The following EML4 variants were observed in gnomAD, a reference collection of about 807,000 sequenced individuals.
EML4 encodes the protein echinoderm microtubule-associated protein-like 4.
EML4 carries 72 observed loss-of-function variants against 129.0 expected under a neutral mutation model. That is an observed-to-expected ratio of 0.56 (90% CI 0.46 to 0.68). EML4 has a LOEUF of 0.68. EML4 is among the 30% of genes least tolerant of loss of function. EML4 has a pLI of 0.00. For missense variants in EML4, 1,363 were observed against 1,190.6 expected, an observed-to-expected ratio of 1.14 and a Z score of -2.13; for synonymous variants, 532 against 405.0, an observed-to-expected ratio of 1.31 and a Z score of -3.77.
rs571703319 is a variant in EML4 at position 42,219,958 on chromosome 2, C to T, written c.26-25547C>T. On this transcript the variant is annotated intron_variant, in intron 1 of 22. Transcript: ENST00000318522. ...AAAAAAAAGGAAAACTCTTTTTTGC[C>T]AGGAATAGCTGCTTTGAAAATTTCT... Among the ~76,000 whole-genome samples, 7 of 150,092 alleles carry T rather than the reference C, an allele frequency of 4.7e-5. No homozygotes were observed. The South Asian group carries it at 1.3e-3, about 27-fold the overall frequency.
At chr2:42,253,355 T>C (rs1259564970) in intron 2 of EML4, among the ~76,000 whole-genome samples, 1 of 152,214 alleles carries the variant, frequency 6.6e-6, no homozygotes, top group African/African-American at 2.4e-5. Flanking sequence ...TGCCTATGTT[T>C]TTGACATTTT....
intron 1 of EML4, chr2:42,169,916 C>G (rs900646187): frequency 2.7e-6 from 1 of 372,018 alleles, no homozygotes; most frequent in African/African-American, 2.1e-5. Context: ...CCTTCTCAGG[C>G]CCCCCGATAG....
At chr2:42,289,978 C>G (rs1052800385) in intron 11 of EML4, 9 of 151,414 alleles carry the variant, frequency 5.9e-5, no homozygotes, top group Non-Finnish European at 1.2e-4. Flanking sequence ...CCCCAGCTAC[C>G]CTGGAGGCTG....
At chr2:42,316,186 C>A (rs1283999235) in intron 18 of EML4, 136 bp downstream of exon 18, 4 of 499,872 alleles carry the variant, frequency 8.0e-6, no homozygotes, top group Admixed American at 3.8e-5. Flanking sequence ...TTTCCCCCAA[C>A]ATCAAATTAA....
chr2:42,178,929 A>T (rs11895590), intron 1 of EML4, among the ~76,000 whole-genome samples: 1 of 152,030 alleles, frequency 6.6e-6, no homozygotes, highest in Admixed American at 6.5e-5. Context: ...AGATTTGTTT[A>T]GACAGGAATC....
At chr2:42,196,119 T>G (rs1293150266) in intron 1 of EML4, among the ~76,000 whole-genome samples, 1 of 152,218 alleles carries the variant, frequency 6.6e-6, no homozygotes, top group Non-Finnish European at 1.5e-5. Context: ...TTTGTAAAAT[T>G]TACTAGCTTT....
intron 2 of EML4, among the ~76,000 whole-genome samples, chr2:42,250,000 G>T (rs1407403360): frequency 6.6e-6 from 1 of 152,212 alleles, no homozygotes; most frequent in Non-Finnish European, 1.5e-5. Flanking sequence ...CTGCCAAGAA[G>T]ATGAATTATG....
chr2:42,200,727 T>G (rs1272872628), intron 1 of EML4, among the ~76,000 whole-genome samples: 1 of 152,220 alleles, frequency 6.6e-6, no homozygotes, highest in Non-Finnish European at 1.5e-5. Flanking sequence ...GAGGAATGTT[T>G]TATATCTTTT....
chr2:42,261,686 G>T (rs1166296098), intron 4 of EML4, among the ~76,000 whole-genome samples: 1 of 152,020 alleles, frequency 6.6e-6, no homozygotes, highest in Non-Finnish European at 1.5e-5. Context: ...CTGTATTTTG[G>T]CATCATTACA....
At position 42,215,549 on chromosome 2, in the gene EML4, C is replaced by CA. The variant is rs879474966; in HGVS notation, c.26-29944dup. 7.9e-3 allele frequency among the ~76,000 whole-genome samples: 1,131 copies of CA among 142,768 alleles called. 15 individuals carry two copies. The highest frequency in any genetic ancestry group is 0.027 in the African/African-American group (1,051 of 39,118). The allele number at this position is 142,768 out of a possible 152,430, so 93.7% of individuals were successfully genotyped here. ...TTTATTATAAAAAATGTTTAAGAAG[C>CA]AAAAAAAAAAAATTTTGCAGTGAAT... On this transcript the variant is annotated intron_variant, in intron 1 of 22. Coordinates refer to ENST00000318522, the MANE Select transcript of EML4 (RefSeq NM_019063.5).
chr2:42,329,066 A>T (rs1203562878), intron 22 of EML4, 50 bp downstream of exon 22: 1 of 1,556,482 alleles, frequency 6.4e-7, no homozygotes, highest in Admixed American at 1.8e-5. Context: ...CTGTCCAGGG[A>T]TGATTTTGCA....
chr2:42,318,109 A>G (rs1669336566), intron 19 of EML4, among the ~76,000 whole-genome samples: 2 of 152,244 alleles, frequency 1.3e-5, no homozygotes, highest in Admixed American at 6.5e-5. Context: ...AAAATGGCTT[A>G]GGCACCAGGA....
chr2:42,196,785 G>A (rs1040216099), intron 1 of EML4, among the ~76,000 whole-genome samples: 2 of 152,180 alleles, frequency 1.3e-5, no homozygotes, highest in African/African-American at 4.8e-5. Flanking sequence ...CCATGCAGGA[G>A]TTTGTGGCTT....
intron 17 of EML4, among the ~76,000 whole-genome samples, chr2:42,305,603 G>T (rs1047463100): frequency 1.3e-5 from 2 of 152,194 alleles, no homozygotes; most frequent in Non-Finnish European, 2.9e-5. Context: ...TGCAGACCTT[G>T]TATAGTACCT....
chr2:42,269,400 T>A (rs945491531), intron 6 of EML4, among the ~76,000 whole-genome samples: 2 of 152,234 alleles, frequency 1.3e-5, no homozygotes, highest in Non-Finnish European at 1.5e-5. Flanking sequence ...CATTCATTCA[T>A]TTAACAGATA....
At chr2:42,263,986 G>A (rs1184992018) in intron 5 of EML4, among the ~76,000 whole-genome samples, 1 of 149,526 alleles carries the variant, frequency 6.7e-6, no homozygotes, top group Admixed American at 6.6e-5. Flanking sequence ...GCCTTGGCCT[G>A]CCAAAGTGCT....
chr2:42,219,238 GTC>G (rs1290731808), intron 1 of EML4, among the ~76,000 whole-genome samples: 1 of 152,142 alleles, frequency 6.6e-6, no homozygotes, highest in Non-Finnish European at 1.5e-5. Context: ...AACTGGGCAG[GTC>G]CACTGATATG....
chr2:42,216,027 C>G (rs368353670), intron 1 of EML4, among the ~76,000 whole-genome samples: 2 of 151,142 alleles, frequency 1.3e-5, no homozygotes, highest in African/African-American at 4.9e-5. Flanking sequence ...TGAAGCAATT[C>G]TGCTGTCTCA....
intron 1 of EML4, among the ~76,000 whole-genome samples, chr2:42,197,998 G>T (rs1256047212): frequency 1.3e-5 from 2 of 152,126 alleles, no homozygotes; most frequent in African/African-American, 4.8e-5. Context: ...TTGTAGCCTT[G>T]GACAAGTTAT....
Sources: allele counts gnomAD v4.1 joint callset (sites outside exome capture counted in the v4.1 genomes callset), GRCh38; gene constraint gnomAD v4.1.1; transcripts MANE v1.5; gene names NCBI Gene and HGNC (gene_info 2026-07-23, HGNC 2026-07-21).